RIPOR2: variants seen among roughly 807,000 people sequenced by gnomAD.
The protein encoded by RIPOR2 is RHO family interacting cell polarization regulator 2.
In RIPOR2, 39 loss-of-function variants were observed where a neutral mutation model predicts 114.5. The ratio of observed to expected loss-of-function variants is 0.34; its 90% CI spans 0.26 to 0.44. The LOEUF (loss-of-function observed/expected upper bound fraction) is 0.44, where lower values mean the gene tolerates loss of function less well. Ranked by LOEUF, RIPOR2 falls within the 20% of genes least tolerant of loss-of-function variation. RIPOR2 has a pLI of 1.00. For missense variants in RIPOR2, 1,007 were observed against 1,255.1 expected, an observed-to-expected ratio of 0.80 and a Z score of 2.99; for synonymous variants, 445 against 484.4, an observed-to-expected ratio of 0.92 and a Z score of 1.07.
intron 1 of RIPOR2, among the ~76,000 whole-genome samples, chr6:24,888,612 A>G (rs1349763026): frequency 6.6e-6 from 1 of 152,250 alleles, no homozygotes; most frequent in African/African-American, 2.4e-5. Flanking sequence ...CAACATGTGC[A>G]ATTAATGCTG....
chr6:24,923,240 A>G (rs1373844745), intron 1 of RIPOR2, among the ~76,000 whole-genome samples: 1 of 152,194 alleles, frequency 6.6e-6, no homozygotes, highest in Non-Finnish European at 1.5e-5. Flanking sequence ...ATAATATTCC[A>G]TTGTGTGTAT....
intron 1 of RIPOR2, among the ~76,000 whole-genome samples, chr6:24,948,530 TTTC>T (rs1260565353): frequency 9.8e-6 from 1 of 102,048 alleles, no homozygotes; most frequent in African/African-American, 3.4e-5. Flanking sequence ...TCTTTCTTTC[TTTC>T]TTTTTTTTTT....
At chr6:24,895,162 C>T (rs1767735519) in intron 1 of RIPOR2, among the ~76,000 whole-genome samples, 1 of 152,180 alleles carries the variant, frequency 6.6e-6, no homozygotes, top group African/African-American at 2.4e-5. Context: ...AAGCTATTCT[C>T]CTGCCTCAGC....
Position 24,979,586 on chromosome 6 carries a change from T to G in RIPOR2, c.76+62265A>C, listed in dbSNP as rs146254612. On this transcript the variant is annotated intron_variant, in intron 1 of 13. Coordinates refer to the RIPOR2 transcript ENST00000510784. ...GGCAAGAATTATTAATGCATGTTAA[T>G]GGGAAGCCTCCAGTTCTGCTTTGCT... Among the ~76,000 whole-genome samples, 16 of 152,320 alleles carry G rather than the reference T, an allele frequency of 1.1e-4. 1 individual carries two copies. Among genetic ancestry groups the G allele is most frequent in the Admixed American group, 1.0e-3 (16 of 15,298 alleles).
At chr6:24,922,080 C>T (rs745813344) in intron 1 of RIPOR2, among the ~76,000 whole-genome samples, 1 of 152,122 alleles carries the variant, frequency 6.6e-6, no homozygotes, top group Non-Finnish European at 1.5e-5. Context: ...ATCCGTCCTC[C>T]TCGGCCTCCC....
upstream of RIPOR2, among the ~76,000 whole-genome samples, chr6:24,940,285 A>G (rs1454633381): frequency 6.6e-6 from 1 of 152,220 alleles, no homozygotes; most frequent in Non-Finnish European, 1.5e-5. Flanking sequence ...TCAACATCCA[A>G]CGTGGGCTTT....
At chr6:24,925,499 C>T (rs553048327) in intron 1 of RIPOR2, among the ~76,000 whole-genome samples, 6 of 152,122 alleles carry the variant, frequency 3.9e-5, no homozygotes, top group East Asian at 3.9e-4. Context: ...GTCAAGAGAT[C>T]GAGATCATCC....
At chr6:25,028,885 G>A (rs949046050) in intron 1 of RIPOR2, among the ~76,000 whole-genome samples, 1 of 152,224 alleles carries the variant, frequency 6.6e-6, no homozygotes, top group African/African-American at 2.4e-5. Context: ...ATTTGATGTG[G>A]GATGAGGTAA....
At chr6:25,035,100 G>T (rs1331967184) in intron 1 of RIPOR2, among the ~76,000 whole-genome samples, 4 of 152,130 alleles carry the variant, frequency 2.6e-5, no homozygotes, top group Non-Finnish European at 5.9e-5. Flanking sequence ...AAAACAAAAA[G>T]CATTCTCTGT....
chr6:25,004,986 TACACACACACAC>T (rs58120451), intron 1 of RIPOR2, among the ~76,000 whole-genome samples: 3,016 of 146,454 alleles, frequency 0.021, 40 homozygotes, highest in South Asian at 0.031. Flanking sequence ...TCAAATAGGC[TACACACACACAC>T]ACACACACAC....
chr6:24,917,708 T>A (rs1378815365), intron 1 of RIPOR2, among the ~76,000 whole-genome samples: 1 of 152,196 alleles, frequency 6.6e-6, no homozygotes, highest in Non-Finnish European at 1.5e-5. Flanking sequence ...GTTTTGTATT[T>A]TTAGTAGAGA....
chr6:25,011,044 T>C (rs995756676), intron 1 of RIPOR2, among the ~76,000 whole-genome samples: 1 of 152,226 alleles, frequency 6.6e-6, no homozygotes, highest in Non-Finnish European at 1.5e-5. Context: ...CCTTCAAATA[T>C]CTTCCCATGT....
intron 1 of RIPOR2, among the ~76,000 whole-genome samples, chr6:24,965,620 GC>G: frequency 6.6e-6 from 1 of 152,182 alleles, no homozygotes; most frequent in East Asian, 1.9e-4. Context: ...ATTACATGAT[GC>G]CTGAAGTCTT....
upstream of RIPOR2, chr6:24,936,147 G>A (rs193099367): frequency 9.3e-4 from 412 of 443,134 alleles, 1 homozygote; most frequent in Non-Finnish European, 1.1e-3. Context: ...CTGCAGATCC[G>A]GTTGGATATG....
intron 1 of RIPOR2, among the ~76,000 whole-genome samples, chr6:25,034,246 A>G (rs998783967): frequency 6.7e-6 from 1 of 149,548 alleles, no homozygotes; most frequent in Non-Finnish European, 1.5e-5. Flanking sequence ...TTTGTATTAG[A>G]TGAAAACAAA....
chr6:24,855,722 A>C (rs1434631912), intron 8 of RIPOR2, among the ~76,000 whole-genome samples: 1 of 152,200 alleles, frequency 6.6e-6, no homozygotes, highest in Non-Finnish European at 1.5e-5. Context: ...TGCCTTCTAC[A>C]AATAGCCCTG....
chr6:24,945,995 C>A (rs563195179), intron 1 of RIPOR2, among the ~76,000 whole-genome samples: 1 of 152,200 alleles, frequency 6.6e-6, no homozygotes, highest in South Asian at 2.1e-4. Flanking sequence ...AGAAAGTCAA[C>A]CTCACTCATC....
chr6:24,983,910 G>T (rs532076765), intron 1 of RIPOR2, among the ~76,000 whole-genome samples: 5 of 152,014 alleles, frequency 3.3e-5, no homozygotes, highest in African/African-American at 4.8e-5. Flanking sequence ...GAAATATTAC[G>T]TGGGACTTCA....
At chr6:24,832,229 A>G in intron 16 of RIPOR2, 27 bp downstream of exon 16, 7 of 1,549,898 alleles carry the variant, frequency 4.5e-6, no homozygotes, top group Non-Finnish European at 6.1e-6. Flanking sequence ...ATTTACGTGA[A>G]TAGCGGTGTA....
Sources: allele counts gnomAD v4.1 joint callset (sites outside exome capture counted in the v4.1 genomes callset), GRCh38; gene constraint gnomAD v4.1.1; transcripts MANE v1.5; gene names NCBI Gene and HGNC (gene_info 2026-07-23, HGNC 2026-07-21).